The following ANXA6 variants were observed in gnomAD, a reference collection of about 807,000 sequenced individuals.
ANXA6 encodes the protein annexin A6.
A neutral mutation model predicts 95.4 loss-of-function variants in ANXA6; 71 were observed. That is an observed-to-expected ratio of 0.74 (90% confidence interval 0.61 to 0.91). ANXA6 has a LOEUF of 0.91. Among genes scored for constraint, ANXA6 ranks in the 40% least tolerant of loss-of-function variants. The pLI, the probability that ANXA6 is intolerant of heterozygous loss-of-function variation, is 0.00. For missense variants in ANXA6, 830 were observed against 876.4 expected (o/e 0.95, Z 0.67); for synonymous variants, 289 against 315.9 (o/e 0.91, Z 0.90).
chr5:151,106,027 CTGAT>C (rs1764686857), intron 23 of ANXA6, among the ~76,000 whole-genome samples: 1 of 152,170 alleles, frequency 6.6e-6, no homozygotes, highest in Admixed American at 6.5e-5. Context: ...TTGAGAGTTA[CTGAT>C]TTAGAGAAAT....
intron 6 of ANXA6, 123 bp downstream of exon 6, chr5:151,137,108 G>A (rs1304639160): frequency 5.9e-6 from 5 of 854,472 alleles, no homozygotes; most frequent in Non-Finnish European, 7.3e-6. Context: ...ATAAATGGGT[G>A]GACAAATGGA....
rs752726221 is a variant in ANXA6 at position 151,105,231 on chromosome 5, G to C, written c.1839+14C>G. 1 of 1,612,320 alleles carries C rather than the reference G, an allele frequency of 6.2e-7. No individual in the cohort carries two copies. Among genetic ancestry groups the C allele is most frequent in the Non-Finnish European group, 8.5e-7 (1 of 1,178,366 alleles). On this transcript the variant is annotated intron_variant, in intron 24 of 25. Coordinates refer to ENST00000354546, the MANE Select transcript of ANXA6 (RefSeq NM_001155.5). ...AGTGCTTGAAGGGAAAGGAACGCCA[G>C]CATGTTTTCTTACCTTCATGGATTT... is the stretch of plus-strand genomic sequence containing the variant.
At chr5:151,106,610 G>T (rs1161338297) in intron 23 of ANXA6, among the ~76,000 whole-genome samples, 29 of 152,094 alleles carry the variant, frequency 1.9e-4, no homozygotes, top group Admixed American at 1.9e-3. Flanking sequence ...TGTCCTTCCT[G>T]GATAGATGCA....
chr5:151,144,426 C>T (rs884083), intron 2 of ANXA6, among the ~76,000 whole-genome samples: 76,231 of 151,850 alleles, frequency 0.5, 20,037 homozygotes, highest in South Asian at 0.76. Context: ...GGTGTGTGGG[C>T]GGTGACAAGT....
chr5:151,131,364 T>C, intron 10 of ANXA6, 75 bp from the exon 11 acceptor site: 6 of 1,476,740 alleles, frequency 4.1e-6, no homozygotes, highest in Non-Finnish European at 5.7e-6. Flanking sequence ...ACTCCCTCTT[T>C]GTTTCTATTC....
At chr5:151,135,322 C>T (rs2113937225) in intron 7 of ANXA6, among the ~76,000 whole-genome samples, 1 of 152,290 alleles carries the variant, frequency 6.6e-6, no homozygotes, top group East Asian at 1.9e-4. Context: ...GGATAGGACA[C>T]TCCTCTCCAG....
chr5:151,102,457 A>T (rs1764575882), intron 25 of ANXA6, among the ~76,000 whole-genome samples: 1 of 152,196 alleles, frequency 6.6e-6, no homozygotes, highest in South Asian at 2.1e-4. Flanking sequence ...TAATCCCAGC[A>T]CTTTGGGAGG....
chr5:151,103,531 C>T (rs1278945237), intron 25 of ANXA6, 39 bp downstream of exon 25: 1 of 1,585,624 alleles, frequency 6.3e-7, no homozygotes, highest in African/African-American at 1.4e-5. Context: ...GGATCTGACA[C>T]TCACCCGCTT....
rs540717139 is a variant in ANXA6, at chr5:151,106,029, G to C, written c.1781-726C>G. Among the ~76,000 whole-genome samples, 55 of 152,304 alleles carry C rather than the reference G, an allele frequency of 3.6e-4. No homozygotes were observed. The South Asian group carries it at 4.1e-3, about 11-fold the overall frequency. On this transcript the variant is annotated intron_variant, in intron 23 of 25. Coordinates refer to ENST00000354546, the MANE Select transcript of ANXA6 (RefSeq NM_001155.5). ...TGCAGCCTAATGCTTGAGAGTTACT[G>C]ATTTAGAGAAATATTGCTCCAAAGA...
rs1765099293 is a variant in ANXA6, at chr5:151,119,410, A to T, written c.1348-20T>A. ...GGCTCCCTGGAATGTCAAGGCAAAG[A>T]TGATCTCAGCCATAGTTCTGACCTC... On this transcript the variant is annotated intron_variant, in intron 17 of 25. Transcript: ENST00000354546. 6.2e-7 allele frequency: 1 copy of T among 1,610,834 alleles called. No homozygotes were observed. The highest frequency in any genetic ancestry group is 1.7e-5 in the Admixed American group (1 of 60,004).
chr5:151,149,705 C>T (rs1419819809), intron 1 of ANXA6, among the ~76,000 whole-genome samples: 2 of 151,750 alleles, frequency 1.3e-5, no homozygotes, highest in Non-Finnish European at 2.9e-5. Context: ...AGGCTGGTCT[C>T]GAACTCCTGC....
intron 5 of ANXA6, among the ~76,000 whole-genome samples, 159 bp downstream of exon 5, chr5:151,138,519 C>T (rs541351192): frequency 2.6e-5 from 4 of 152,224 alleles, no homozygotes; most frequent in African/African-American, 9.6e-5. Context: ...TCTCTGTGTG[C>T]GGATCGGGAT....
chr5:151,124,260 C>A (rs1765250718), intron 15 of ANXA6, 26 bp downstream of exon 15: 1 of 1,609,822 alleles, frequency 6.2e-7, no homozygotes, highest in Non-Finnish European at 8.5e-7. Flanking sequence ...TGGAGACCAA[C>A]CCTGCTCCCT....
intron 25 of ANXA6, 148 bp from the exon 26 acceptor site, chr5:151,101,655 C>T: frequency 1.4e-6 from 1 of 723,432 alleles, no homozygotes. Flanking sequence ...CTACTGGGAT[C>T]TCCCAGACAC....
At chr5:151,113,232 C>T (rs924824380) in intron 20 of ANXA6, among the ~76,000 whole-genome samples, 1 of 152,096 alleles carries the variant, frequency 6.6e-6, no homozygotes, top group African/African-American at 2.4e-5. Flanking sequence ...GAAACCCTGT[C>T]TCTACTAAAA....
At chr5:151,107,849 CTG>C (rs1380093120) in intron 23 of ANXA6, among the ~76,000 whole-genome samples, 3 of 152,008 alleles carry the variant, frequency 2.0e-5, no homozygotes, top group Non-Finnish European at 4.4e-5. Context: ...AGACGAGGGT[CTG>C]TGTGTGTGTC....
Position 151,122,130 on chromosome 5 carries a change from CT to C in ANXA6, c.1347+16del, listed in dbSNP as rs779477952. ...TTGGCACCCGCAGACACTAGACCCC[CT>C]GGTGCCACACTGTACCTCCATGGCC... On this transcript the variant is annotated intron_variant, in intron 17 of 25. Transcript: ENST00000354546. 3 of 1,534,416 alleles carry C rather than the reference CT, an allele frequency of 2.0e-6. No individual in the cohort carries two copies. Among genetic ancestry groups the C allele is most frequent in the Non-Finnish European group, 2.6e-6 (3 of 1,138,430 alleles).
intron 22 of ANXA6, 30 bp downstream of exon 22, chr5:151,109,723 G>C: frequency 6.5e-7 from 1 of 1,544,686 alleles, no homozygotes; most frequent in Non-Finnish European, 8.9e-7. Flanking sequence ...TCTTCCTGCT[G>C]AGCTGGGAAG....
In ANXA6 at chr5:151,101,342, A is replaced by ACCCCCCCCCCC; in HGVS notation, c.*105_*106insGGGGGGGGGGG. On this transcript the variant is annotated 3_prime_UTR_variant, in exon 26 of 26. Coordinates refer to ENST00000354546, the MANE Select transcript of ANXA6 (RefSeq NM_001155.5). ...AGAGCCCAACCCAACCCCTCCCCCC[A>ACCCCCCCCCCC]CCCCTGCCCCTTCCTTAGTCTCTGG... The ACCCCCCCCCCC allele has an allele frequency of 2.0e-5, 3 of 146,852 alleles. No homozygotes were observed. Among genetic ancestry groups the ACCCCCCCCCCC allele is most frequent in the Non-Finnish European group, 4.3e-5 (3 of 69,364 alleles). The allele number at this position is 146,852 out of a possible 1,614,324, so 9.1% of individuals were successfully genotyped here.
Sources: allele counts gnomAD v4.1 joint callset (sites outside exome capture counted in the v4.1 genomes callset), GRCh38; gene constraint gnomAD v4.1.1; transcripts MANE v1.5; gene names NCBI Gene and HGNC (gene_info 2026-07-23, HGNC 2026-07-21).